Variants in DNAH17 observed in about 807,000 individuals in gnomAD.
DNAH17 encodes the protein dynein axonemal heavy chain 17, also known as axonemal beta dynein heavy chain 17.
DNAH17 carries 376 observed loss-of-function variants against 485.6 expected under a neutral mutation model. That is an observed-to-expected ratio of 0.77 (90% CI 0.71 to 0.84). The LOEUF is 0.84. DNAH17 is among the 40% of genes least tolerant of loss of function. The probability of loss-of-function intolerance (pLI) is 0.00; values close to 1 mark genes in which losing one functional copy is unlikely to be tolerated. For missense variants in DNAH17, 6,370 were observed against 5,839.3 expected (o/e 1.09, Z -2.96); for synonymous variants, 3,031 against 2,405.9 (o/e 1.26, Z -7.60).
In DNAH17 at chr17:78,451,561, G is replaced by T. The variant is rs778357137; in HGVS notation, c.10642C>A (p.Leu3548Ile). 31 of 1,613,636 alleles carry T rather than the reference G, an allele frequency of 1.9e-5. No homozygotes were observed. The East Asian group carries it at 6.9e-4, about 36-fold the overall frequency. Residue 3548 changes from leucine to isoleucine, a missense_variant, in exon 66 of 81, where the codon CTC becomes ATC. Leu to Ile is a conservative substitution (Grantham distance 5). Coordinates refer to ENST00000389840, the MANE Select transcript of DNAH17 (RefSeq NM_173628.4). ...YKPEMQAQCT[L>I]INFLVTRDGL... Reference sequence around the variant, plus strand: ...TCCCTGGTGACCAGGAAGTTGATGAGGGTGCACTGAGCCTGCATCTCTGGC... The same window carrying T: ...TCCCTGGTGACCAGGAAGTTGATGATGGTGCACTGAGCCTGCATCTCTGGC...
chr17:78,507,193 T>A, intron 29 of DNAH17, 85 bp downstream of exon 29: 1 of 1,503,648 alleles, frequency 6.7e-7, no homozygotes, highest in Non-Finnish European at 9.1e-7. Flanking sequence ...GCCAGCAGGC[T>A]GCACAAGACT....
intron 16 of DNAH17, among the ~76,000 whole-genome samples, chr17:78,544,828 G>T (rs1010528410): frequency 9.2e-6 from 1 of 108,944 alleles, no homozygotes; most frequent in Admixed American, 8.5e-5. Context: ...AAAAAAAGGT[G>T]GGGGTGGTGG....
At position 78,507,211 on chromosome 17, in the gene DNAH17, C is replaced by T. The variant is rs538047836; in HGVS notation, c.4676+67G>A. 1.0e-4 allele frequency: 156 copies of T among 1,563,420 alleles called. 2 individuals are homozygous for T. In the South Asian group the frequency reaches 1.6e-3, roughly 16 times the overall value. On this transcript the variant is annotated intron_variant, in intron 29 of 80. Coordinates refer to ENST00000389840, the MANE Select transcript of DNAH17 (RefSeq NM_173628.4). ...AGCAGGCTGCACAAGACTTAAGTTC[C>T]GTCAGACTTAAGACTTAGGGAATCT...
At chr17:78,424,817 G>C (rs1269060646) in intron 80 of DNAH17, 2 of 155,430 alleles carry the variant, frequency 1.3e-5, no homozygotes, top group Non-Finnish European at 2.9e-5. Context: ...GCCGGCCTCG[G>C]TGTCCTGGCT....
intron 75 of DNAH17, 126 bp from the exon 76 acceptor site, chr17:78,429,426 A>C: frequency 9.3e-7 from 1 of 1,070,206 alleles, no homozygotes; most frequent in Non-Finnish European, 1.3e-6. Context: ...CTCGCCCTCC[A>C]GGTCAGCCTC....
At chr17:78,547,647 TCA>T (rs1319652027) in intron 16 of DNAH17, among the ~76,000 whole-genome samples, 1 of 149,624 alleles carries the variant, frequency 6.7e-6, no homozygotes, top group African/African-American at 2.5e-5. Context: ...AGATGGAGTC[TCA>T]CTCTGTCTCC....
At chr17:78,572,618 G>T in intron 3 of DNAH17, 83 bp downstream of exon 3, 1 of 1,265,406 alleles carries the variant, frequency 7.9e-7, no homozygotes, top group South Asian at 1.5e-5. Flanking sequence ...GGTCGGAGTG[G>T]GGTGGAGTGG....
At chr17:78,516,830 C>T (rs1171896114) in intron 25 of DNAH17, among the ~76,000 whole-genome samples, 2 of 152,068 alleles carry the variant, frequency 1.3e-5, no homozygotes, top group African/African-American at 2.4e-5. Context: ...CATGTTTCTC[C>T]CCCTGTGTAA....
chr17:78,451,625 G>C lies in DNAH17; in HGVS notation c.10578C>G (p.Arg3526=). 6.2e-7 allele frequency: 1 copy of C among 1,600,838 alleles called. No homozygotes were observed. The highest frequency in any genetic ancestry group is 8.5e-7 in the Non-Finnish European group (1 of 1,173,794). The part of the protein sequence containing the change: ...DKEVEYHPKF[R]LILHTKYFNP... ...TGAAGTACTTGGTGTGTAGGATCAGGCGGAACTTGGGGTGGTACTCCACCT... is the reference window on the plus strand; with the variant it reads ...TGAAGTACTTGGTGTGTAGGATCAGCCGGAACTTGGGGTGGTACTCCACCT... The change falls in exon 66 of 81, where the codon CGC becomes CGG. Residue 3526 remains arginine, a synonymous_variant. Transcript: ENST00000389840.
chr17:78,495,006 T>C lies in DNAH17; in HGVS notation c.5995A>G (p.Lys1999Glu). The change falls in exon 39 of 81, where the codon AAG becomes GAG. Residue 1999 changes from lysine (K) to glutamate (E), a missense_variant. Transcript: ENST00000389840. ...GFLEARLLAR[K>E]FITLYTLCKE... ...CACAAGGTGTACAGGGTGATGAACT[T>C]CCTGGCCAGAAGGCGGGCTTCCAGA... 1 of 1,613,148 alleles carries C rather than the reference T, an allele frequency of 6.2e-7. No individual in the cohort carries two copies. The highest frequency in any genetic ancestry group is 8.5e-7 in the Non-Finnish European group (1 of 1,179,618).
At chr17:78,543,217 C>A (rs979878687) in intron 17 of DNAH17, among the ~76,000 whole-genome samples, 10 of 152,120 alleles carry the variant, frequency 6.6e-5, no homozygotes, top group Non-Finnish European at 1.0e-4. Flanking sequence ...CAGGGTCAAG[C>A]GATTCTCCTG....
Position 78,480,837 on chromosome 17 carries a change from T to G in DNAH17, c.7650-51A>C, listed in dbSNP as rs2146622346. The G allele has an allele frequency of 3.0e-6, 4 of 1,333,428 alleles. No individual in the cohort carries two copies. The East Asian group carries it at 9.5e-5, about 32-fold the overall frequency. The allele number at this position is 1,333,428 out of a possible 1,614,324, so 82.6% of individuals were successfully genotyped here. A position where few individuals can be genotyped will look rare whatever the true frequency, so the allele number is the denominator to read the frequency against. On this transcript the variant is annotated intron_variant, in intron 48 of 80. Transcript: ENST00000389840. ...TTGTGCCCCTGGCCTGGAGGAACCATCCCCTGCCCCCACTGTGCTCCCAAG... is the reference window on the plus strand; with the variant it reads ...TTGTGCCCCTGGCCTGGAGGAACCAGCCCCTGCCCCCACTGTGCTCCCAAG...
At chr17:78,560,629 C>T (rs1451044989) in intron 13 of DNAH17, 111 bp downstream of exon 13, 36 of 1,203,674 alleles carry the variant, frequency 3.0e-5, no homozygotes, top group Middle Eastern at 2.9e-4. Context: ...AAGCTTTAGG[C>T]GAACTGTGAT....
rs2089532805 is a variant in DNAH17 at position 78,484,983 on chromosome 17, G to A, written c.7534C>T (p.Pro2512Ser). ...AAGTAGACGAGCTTCTTAGTGCCTGGCGGCCCGTAGTTCCTCCCCGATTTC... is the reference window on the plus strand; with the variant it reads ...AAGTAGACGAGCTTCTTAGTGCCTGACGGCCCGTAGTTCCTCCCCGATTTC... ...EKKSGRNYGP[P>S]GTKKLVYFID... The change falls in exon 48 of 81, where the codon CCA (proline) becomes TCA (serine). Residue 2512 changes from proline (P) to serine (S), a missense_variant. Physicochemically the swap from Pro to Ser is moderately conservative, Grantham distance 74 (BLOSUM62 -1). Transcript: ENST00000389840. The A allele has an allele frequency of 6.2e-7, 1 of 1,613,474 alleles. No homozygotes were observed. Among genetic ancestry groups the A allele is most frequent in the Admixed American group, 1.7e-5 (1 of 59,962 alleles).
At chr17:78,518,495 A>G (rs2090847868) in intron 25 of DNAH17, among the ~76,000 whole-genome samples, 1 of 152,222 alleles carries the variant, frequency 6.6e-6, no homozygotes, top group Admixed American at 6.6e-5. Context: ...CAAAATACAC[A>G]AAGCAAAAAC....
chr17:78,500,295 G>T lies in DNAH17; in HGVS notation c.5640+10C>A. The T allele has an allele frequency of 6.2e-7, 1 of 1,606,540 alleles. No individual in the cohort carries two copies. On this transcript the variant is annotated intron_variant, in intron 36 of 80. Transcript: ENST00000389840. ...ACTCTGGGTCCCTCCTCCGGACCCC[G>T]GCCGCGTACCTTGTAGTCCATCTGC...
Position 78,484,857 on chromosome 17 carries a change from C to T in DNAH17, c.7649+11G>A. 1 of 1,536,414 alleles carries T rather than the reference C, an allele frequency of 6.5e-7. No individual in the cohort carries two copies. The highest frequency in any genetic ancestry group is 8.8e-7 in the Non-Finnish European group (1 of 1,140,096). Reference sequence around the variant, plus strand: ...GGCCACGCCTTCCCCTCCGGCCCCGCCCCGTCTAACCAGTGCCGGTGGTCC... The same window carrying T: ...GGCCACGCCTTCCCCTCCGGCCCCGTCCCGTCTAACCAGTGCCGGTGGTCC... On this transcript the variant is annotated intron_variant, in intron 48 of 80. Transcript: ENST00000389840.
chr17:78,534,364 G>T (rs1326943660), intron 19 of DNAH17, among the ~76,000 whole-genome samples: 1 of 152,052 alleles, frequency 6.6e-6, no homozygotes, highest in African/African-American at 2.4e-5. Flanking sequence ...GGGCTGGGAT[G>T]GAAGGGGAAG....
intron 45 of DNAH17, 44 bp downstream of exon 45, chr17:78,486,180 C>CTGAGAG (rs781603714): frequency 6.3e-7 from 1 of 1,594,920 alleles, no homozygotes; most frequent in South Asian, 1.1e-5. Flanking sequence ...AAGCAGGATG[C>CTGAGAG]TGAGAGACCC....
Sources: gnomAD v4.1 joint callset for allele counts (sites outside exome capture counted in the v4.1 genomes callset) on GRCh38, gnomAD v4.1.1 for gene constraint, MANE v1.5 for transcripts, NCBI Gene and HGNC (gene_info 2026-07-23, HGNC 2026-07-21) for gene names.